DGKB: variants seen among roughly 807,000 people sequenced by gnomAD.
The protein encoded by DGKB is diacylglycerol kinase beta, also known as 90 kDa diacylglycerol kinase.
A neutral mutation model predicts 114.3 loss-of-function variants in DGKB; 67 were observed. The observed-to-expected ratio is 0.59, with a 90% CI of 0.48 to 0.72. The LOEUF (loss-of-function observed/expected upper bound fraction) is 0.72, where lower values mean the gene tolerates loss of function less well. Ranked by LOEUF, DGKB falls within the 30% of genes least tolerant of loss-of-function variation. The probability of loss-of-function intolerance (pLI) is 0.00; values close to 1 mark genes in which losing one functional copy is unlikely to be tolerated. For synonymous variants in DGKB, 398 were observed against 323.1 expected (o/e 1.23, Z -2.49); for missense variants, 907 against 975.2 (o/e 0.93, Z 0.93).
intron 20 of DGKB, among the ~76,000 whole-genome samples, chr7:14,527,335 G>C (rs546002742): frequency 2.6e-5 from 4 of 152,086 alleles, no homozygotes; most frequent in African/African-American, 9.7e-5. Flanking sequence ...AATTTGTTTA[G>C]TAAACCTAGA....
In DGKB at chr7:14,258,031, C is replaced by A. The variant is rs1796207005; in HGVS notation, c.2123-79880G>T. Among the ~76,000 whole-genome samples, 4 of 152,168 alleles carry A rather than the reference C, an allele frequency of 2.6e-5. No individual in the cohort carries two copies. In the South Asian group the frequency reaches 8.3e-4, roughly 32 times the overall value. On this transcript the variant is annotated intron_variant, in intron 23 of 25. Coordinates refer to ENST00000402815, the MANE Select transcript of DGKB (RefSeq NM_001350709.2). ...GCGTGAGCCAATCAATGTGTCTGGC[C>A]TAAACCCTTTTTCTTTATAAGTTAC...
rs577184214 is a variant in DGKB at position 14,843,653 on chromosome 7, A to G, written c.-187-2203T>C. 2.6e-4 allele frequency among the ~76,000 whole-genome samples: 39 copies of G among 152,318 alleles called. 3 individuals carry two copies. In the South Asian group the frequency reaches 8.1e-3, roughly 32 times the overall value. On this transcript the variant is annotated intron_variant, in intron 1 of 25. Transcript: ENST00000402815. The stretch of plus-strand genomic sequence containing the variant: ...CCAGCCAATAACTTTTTTTAAAGTC[A>G]AGGATTAAGTGAGCCAGAATAAGTT...
intron 23 of DGKB, among the ~76,000 whole-genome samples, chr7:14,299,536 C>T (rs919084456): frequency 1.3e-5 from 2 of 152,114 alleles, no homozygotes; most frequent in Admixed American, 1.3e-4. Flanking sequence ...TACAAAGATG[C>T]TTCATGCAGA....
At chr7:14,683,240 G>A (rs1821133795) in intron 10 of DGKB, among the ~76,000 whole-genome samples, 1 of 152,116 alleles carries the variant, frequency 6.6e-6, no homozygotes, top group African/African-American at 2.4e-5. Context: ...CAGCTGGCGG[G>A]TATGGGAATA....
intron 21 of DGKB, among the ~76,000 whole-genome samples, chr7:14,459,097 C>T (rs1015865556): frequency 2.6e-5 from 4 of 152,156 alleles, no homozygotes; most frequent in African/African-American, 9.7e-5. Context: ...GAAGTTCAAA[C>T]TGGACAGAGC....
At chr7:14,242,048 C>G (rs949212265) in intron 23 of DGKB, among the ~76,000 whole-genome samples, 3 of 151,726 alleles carry the variant, frequency 2.0e-5, no homozygotes, top group African/African-American at 7.3e-5. Flanking sequence ...ATTGAAAGGT[C>G]AATATGGAGC....
At chr7:14,407,436 G>C (rs1275988708) in intron 21 of DGKB, among the ~76,000 whole-genome samples, 2 of 151,988 alleles carry the variant, frequency 1.3e-5, no homozygotes, top group Non-Finnish European at 2.9e-5. Flanking sequence ...TGTGAGACTG[G>C]AGAACTTTGC....
chr7:14,850,746 G>C (rs1849241714), intron 1 of DGKB, among the ~76,000 whole-genome samples: 1 of 152,150 alleles, frequency 6.6e-6, no homozygotes. Flanking sequence ...AGAGTTAAAA[G>C]CCAATTGCAT....
intron 23 of DGKB, among the ~76,000 whole-genome samples, chr7:14,223,724 G>T (rs937745505): frequency 1.2e-4 from 18 of 151,562 alleles, no homozygotes; most frequent in Admixed American, 1.1e-3. Flanking sequence ...GTTTATTTGG[G>T]ATTATGTTTA....
chr7:14,917,583 C>T (rs2128245773), intron 1 of DGKB, among the ~76,000 whole-genome samples: 1 of 152,048 alleles, frequency 6.6e-6, no homozygotes, highest in South Asian at 2.1e-4. Context: ...AGCAGGAACA[C>T]ACAATCCAAA....
intron 23 of DGKB, among the ~76,000 whole-genome samples, chr7:14,247,756 C>T (rs1024824120): frequency 6.6e-6 from 1 of 151,974 alleles, no homozygotes; most frequent in Non-Finnish European, 1.5e-5. Flanking sequence ...AACTCTTTAT[C>T]AGACGCATAA....
At chr7:14,884,544 T>C (rs1045998411) in intron 1 of DGKB, among the ~76,000 whole-genome samples, 2 of 151,974 alleles carry the variant, frequency 1.3e-5, no homozygotes, top group Admixed American at 1.3e-4. Context: ...ATATCTTCCC[T>C]GACAGCCTGA....
intron 21 of DGKB, among the ~76,000 whole-genome samples, chr7:14,346,019 GA>G (rs768781326): frequency 6.6e-6 from 1 of 150,646 alleles, no homozygotes; most frequent in Non-Finnish European, 1.5e-5. Context: ...TTATTCTTGT[GA>G]AAAAAATGCA....
intron 20 of DGKB, among the ~76,000 whole-genome samples, chr7:14,539,990 C>T (rs887345118): frequency 2.0e-5 from 3 of 151,894 alleles, no homozygotes; most frequent in African/African-American, 7.2e-5. Context: ...CATCATTGAG[C>T]ATGTTTTTCT....
chr7:14,488,921 A>T (rs1784230641), intron 20 of DGKB, among the ~76,000 whole-genome samples: 1 of 152,092 alleles, frequency 6.6e-6, no homozygotes, highest in Non-Finnish European at 1.5e-5. Context: ...AACAAAAATT[A>T]GGTCTAGAAA....
intron 23 of DGKB, among the ~76,000 whole-genome samples, chr7:14,277,047 C>T (rs1169749984): frequency 6.6e-6 from 1 of 152,044 alleles, no homozygotes; most frequent in Non-Finnish European, 1.5e-5. Flanking sequence ...TATAGTCACT[C>T]TACTGTGCAA....
intron 21 of DGKB, among the ~76,000 whole-genome samples, chr7:14,357,334 C>A (rs1814761499): frequency 6.6e-6 from 1 of 152,082 alleles, no homozygotes; most frequent in Non-Finnish European, 1.5e-5. Flanking sequence ...TGAATTGATC[C>A]CTTTACCATT....
chr7:14,542,087 G>A (rs1258989269), intron 20 of DGKB, among the ~76,000 whole-genome samples: 1 of 152,094 alleles, frequency 6.6e-6, no homozygotes, highest in East Asian at 1.9e-4. Flanking sequence ...TTCCTTTTAA[G>A]TGATCAATTG....
Position 14,340,891 on chromosome 7 carries a change from C to T in DGKB, c.1927-2181G>A, listed in dbSNP as rs1019948533. Among the ~76,000 whole-genome samples, 9 of 151,594 alleles carry T rather than the reference C, an allele frequency of 5.9e-5. No homozygotes were observed. The East Asian group carries it at 1.4e-3, about 23-fold the overall frequency. On this transcript the variant is annotated intron_variant, in intron 22 of 25. Coordinates refer to ENST00000402815, the MANE Select transcript of DGKB (RefSeq NM_001350709.2). ...ACACTAAGACAATTATTTGACTAGG[C>T]CTTAGAACCCCACTGTGACAAGTTA...
Sources: allele counts gnomAD v4.1 joint callset (sites outside exome capture counted in the v4.1 genomes callset), GRCh38; gene constraint gnomAD v4.1.1; transcripts MANE v1.5; gene names NCBI Gene and HGNC (gene_info 2026-07-23, HGNC 2026-07-21).